The following DYNC2I2 variants were observed in gnomAD, a reference collection of about 807,000 sequenced individuals.
DYNC2I2 encodes dynein 2 intermediate chain 2, also known as cytoplasmic dynein 2 intermediate chain 2.
In DYNC2I2, 39 loss-of-function variants were observed where a neutral mutation model predicts 52.0. The ratio of observed to expected loss-of-function variants is 0.75; its 90% confidence interval spans 0.58 to 0.98. The LOEUF (loss-of-function observed/expected upper bound fraction) is 0.98. Ranked by LOEUF, DYNC2I2 falls within the 50% of genes least tolerant of loss-of-function variation. The probability of loss-of-function intolerance (pLI) is 0.00; values close to 1 mark genes in which losing one functional copy is unlikely to be tolerated. For synonymous variants in DYNC2I2, 359 were observed against 321.1 expected (o/e 1.12, Z -1.26); for missense variants, 743 against 728.4 (o/e 1.02, Z -0.23).
chr9:128,679,777 T>C, the DYNC2I2 span, among the ~76,000 whole-genome samples: 3 of 151,400 alleles, frequency 2.0e-5, no homozygotes, highest in Non-Finnish European at 2.9e-5. Context: ...CTAAGTAGTA[T>C]TTAAGGCTGC....
the DYNC2I2 span, among the ~76,000 whole-genome samples, chr9:128,678,172 C>G: frequency 4.6e-5 from 7 of 151,190 alleles, no homozygotes; most frequent in South Asian, 1.5e-3. Flanking sequence ...CGCATTCAAG[C>G]GTTTCTCCTG....
At chr9:128,638,341 A>AC (rs1223882992) in intron 2 of DYNC2I2, among the ~76,000 whole-genome samples, 1 of 151,766 alleles carries the variant, frequency 6.6e-6, no homozygotes, top group African/African-American at 2.4e-5. Flanking sequence ...ACATGGTGAA[A>AC]CCCATCTCTA....
the DYNC2I2 span, among the ~76,000 whole-genome samples, chr9:128,665,868 C>T: frequency 2.1e-5 from 3 of 144,824 alleles, no homozygotes; most frequent in Admixed American, 7.0e-5. Context: ...GTCAGGAGTT[C>T]AACACCACCC....
At chr9:128,653,658 G>A (rs1306639846) in intron 1 of DYNC2I2, among the ~76,000 whole-genome samples, 1 of 151,100 alleles carries the variant, frequency 6.6e-6, no homozygotes. Flanking sequence ...GGAAGTTGCA[G>A]TGAGCTGAGA....
At chr9:128,677,292 T>A in the DYNC2I2 span, among the ~76,000 whole-genome samples, 1 of 151,466 alleles carries the variant, frequency 6.6e-6, no homozygotes, top group East Asian at 1.9e-4. Flanking sequence ...GAGACTAGCC[T>A]ATCCAACATA....
At chr9:128,667,177 C>A in the DYNC2I2 span, among the ~76,000 whole-genome samples, 1 of 151,368 alleles carries the variant, frequency 6.6e-6, no homozygotes, top group Non-Finnish European at 1.5e-5. Context: ...CCAGCCTGGG[C>A]AACAGAGCAA....
the DYNC2I2 span, among the ~76,000 whole-genome samples, chr9:128,663,935 G>T: frequency 6.8e-6 from 1 of 147,942 alleles, no homozygotes; most frequent in African/African-American, 2.5e-5. Flanking sequence ...TTACAAGTGT[G>T]AGCTACTGCA....
chr9:128,656,634 C>T lies in DYNC2I2; in HGVS notation c.93G>A (p.Gly31=). ...CCTGCAGCGGCCCTGGCCGCCCCGGCCCCGGGCCGCTCGCAACCCCGACTG... is the reference window on the plus strand; with the variant it reads ...CCTGCAGCGGCCCTGGCCGCCCCGGTCCCGGGCCGCTCGCAACCCCGACTG... The part of the protein sequence containing the change: ...LATVGVASGP[G]PGRPGPLQDE... Residue 31 remains glycine, a synonymous_variant, in exon 1 of 9, where the codon GGG becomes GGA. Transcript: ENST00000372715. 1 of 1,500,776 alleles carries T rather than the reference C, an allele frequency of 6.7e-7. No individual in the cohort carries two copies. Among genetic ancestry groups the T allele is most frequent in the Non-Finnish European group, 8.8e-7 (1 of 1,132,778 alleles). The allele number at this position is 1,500,776 out of a possible 1,614,324, so 93.0% of individuals were successfully genotyped here. A position where few individuals can be genotyped will look rare whatever the true frequency, so the allele number is the denominator to read the frequency against.
At chr9:128,681,373 G>C in the DYNC2I2 span, among the ~76,000 whole-genome samples, 1 of 152,226 alleles carries the variant, frequency 6.6e-6, no homozygotes, top group South Asian at 2.1e-4. Context: ...TTACAGGTGT[G>C]AGCCACCTCG....
chr9:128,660,498 T>C (rs1437806171), upstream of DYNC2I2, among the ~76,000 whole-genome samples: 1 of 151,878 alleles, frequency 6.6e-6, no homozygotes, highest in Non-Finnish European at 1.5e-5. Flanking sequence ...AACTGCTGCC[T>C]CCCGGGTTCA....
chr9:128,640,544 C>T (rs1860493070), intron 2 of DYNC2I2, 147 bp downstream of exon 2: 4 of 1,293,556 alleles, frequency 3.1e-6, no homozygotes, highest in Non-Finnish European at 4.2e-6. Flanking sequence ...CTTAGGGAAC[C>T]TAGCGCAGTA....
chr9:128,665,042 TTC>T, the DYNC2I2 span, among the ~76,000 whole-genome samples: 1 of 150,352 alleles, frequency 6.7e-6, no homozygotes, highest in African/African-American at 2.4e-5. Context: ...TGAATTTTTT[TTC>T]TTTTTCTTTT....
Position 128,634,298 on chromosome 9 carries a change from A to G in DYNC2I2, c.1300T>C (p.Ser434Pro), listed in dbSNP as rs1860313169. The stretch of plus-strand genomic sequence containing the variant: ...CGCACAGCAAACAGATACTTGAGGG[A>G]GAGCTGCAGCGAAGTCAAGGGAGGG... ...QAPPLTSLQL[S>P]LKYLFAVRWS... is the part of the protein sequence containing the mutation. Residue 434 changes from serine (S) to proline (P), a missense_variant, in exon 8 of 9, where the codon TCC becomes CCC. Ser to Pro is a moderately conservative substitution (Grantham distance 74). Transcript: ENST00000372715. 3.7e-6 allele frequency: 6 copies of G among 1,613,644 alleles called. No homozygotes were observed. The East Asian group carries it at 1.3e-4, about 36-fold the overall frequency.
chr9:128,675,001 C>T, the DYNC2I2 span, among the ~76,000 whole-genome samples: 92 of 151,974 alleles, frequency 6.1e-4, no homozygotes, highest in Non-Finnish European at 1.0e-3. Flanking sequence ...GCTGATCTCC[C>T]GGGGGTCTCA....
upstream of DYNC2I2, among the ~76,000 whole-genome samples, chr9:128,657,772 A>C (rs558139699): frequency 1.3e-5 from 2 of 152,136 alleles, no homozygotes; most frequent in East Asian, 3.9e-4. Context: ...ACACCACTAC[A>C]CTACAGCCTG....
At chr9:128,659,439 G>A (rs1860892137), upstream of DYNC2I2, among the ~76,000 whole-genome samples, 1 of 150,240 alleles carries the variant, frequency 6.7e-6, no homozygotes, top group South Asian at 2.1e-4. Context: ...AGCTTGCGGT[G>A]AGCAGAGATC....
chr9:128,667,001 C>T, the DYNC2I2 span, among the ~76,000 whole-genome samples: 1 of 151,844 alleles, frequency 6.6e-6, no homozygotes, highest in Non-Finnish European at 1.5e-5. Flanking sequence ...GAATTCAAGA[C>T]CAGCCTGGCC....
the DYNC2I2 span, among the ~76,000 whole-genome samples, chr9:128,674,515 C>T: frequency 1.1e-4 from 17 of 151,548 alleles, no homozygotes; most frequent in East Asian, 4.0e-4. Context: ...AGGCCAAGGA[C>T]GGTGGATCAC....
chr9:128,648,045 C>T (rs1054133547), intron 1 of DYNC2I2, among the ~76,000 whole-genome samples: 4 of 152,080 alleles, frequency 2.6e-5, no homozygotes, highest in Non-Finnish European at 4.4e-5. Context: ...CCACAGGACC[C>T]CTTTCTTGGA....
Sources: allele counts gnomAD v4.1 joint callset (sites outside exome capture counted in the v4.1 genomes callset), GRCh38; gene constraint gnomAD v4.1.1; transcripts MANE v1.5; gene names NCBI Gene and HGNC (gene_info 2026-07-23, HGNC 2026-07-21).